The following NRG3 variants were observed in gnomAD, a reference collection of about 807,000 sequenced individuals.
NRG3 encodes the protein pro-neuregulin-3, membrane-bound isoform.
A neutral mutation model predicts 66.9 loss-of-function variants in NRG3; 31 were observed. That is an observed-to-expected ratio of 0.46 (90% CI 0.35 to 0.63). NRG3 has a LOEUF of 0.63. Among genes scored for constraint, NRG3 ranks in the 20% least tolerant of loss-of-function variants. NRG3 has a pLI of 0.00. For synonymous variants in NRG3, 393 were observed against 359.4 expected, an observed-to-expected ratio of 1.09 and a Z score of -1.06; for missense variants, 910 against 878.9, an observed-to-expected ratio of 1.04 and a Z score of -0.45.
chr10:82,563,005 A>G (rs1490498954), intron 2 of NRG3, among the ~76,000 whole-genome samples: 1 of 152,148 alleles, frequency 6.6e-6, no homozygotes, highest in Admixed American at 6.6e-5. Context: ...AGTGTGCAGA[A>G]AGAGAAAAAT....
intron 2 of NRG3, among the ~76,000 whole-genome samples, chr10:82,551,834 A>T (rs982639624): frequency 6.6e-6 from 1 of 152,066 alleles, no homozygotes; most frequent in African/African-American, 2.4e-5. Context: ...TTATATTTTT[A>T]TAATTCAAAT....
intron 3 of NRG3, among the ~76,000 whole-genome samples, chr10:82,841,707 T>C (rs1591689300): frequency 6.6e-6 from 1 of 152,194 alleles, no homozygotes; most frequent in Non-Finnish European, 1.5e-5. Context: ...AGTCAACCAA[T>C]TGTAGATGTT....
At chr10:82,575,723 T>C (rs1297940514) in intron 2 of NRG3, among the ~76,000 whole-genome samples, 3 of 151,772 alleles carry the variant, frequency 2.0e-5, no homozygotes, top group South Asian at 2.1e-4. Flanking sequence ...AGGGACAATA[T>C]AGATTAATTG....
chr10:82,797,807 A>G (rs1169805738), intron 3 of NRG3, among the ~76,000 whole-genome samples: 7 of 152,158 alleles, frequency 4.6e-5, no homozygotes, highest in Non-Finnish European at 8.8e-5. Flanking sequence ...ATGAATGTAA[A>G]CAAAACTGTG....
intron 2 of NRG3, among the ~76,000 whole-genome samples, chr10:82,445,581 C>T (rs1293568267): frequency 6.6e-6 from 1 of 152,090 alleles, no homozygotes; most frequent in Non-Finnish European, 1.5e-5. Context: ...GTGTAGTTAT[C>T]CAAGTACTTT....
chr10:82,559,914 T>G (rs1475851303), intron 2 of NRG3, among the ~76,000 whole-genome samples: 3 of 152,076 alleles, frequency 2.0e-5, no homozygotes, highest in Non-Finnish European at 4.4e-5. Context: ...ATTAAAACAC[T>G]TGTAAATAAA....
chr10:82,078,167 G>A (rs1039514202), intron 1 of NRG3, among the ~76,000 whole-genome samples: 2 of 152,114 alleles, frequency 1.3e-5, no homozygotes, highest in Non-Finnish European at 2.9e-5. Context: ...TGTTATGTAA[G>A]TGTGGTATGT....
chr10:82,719,481 A>G (rs2057169883), intron 2 of NRG3, among the ~76,000 whole-genome samples: 1 of 152,068 alleles, frequency 6.6e-6, no homozygotes, highest in African/African-American at 2.4e-5. Flanking sequence ...TCTGTTCCCT[A>G]TTTCAGAGCA....
At chr10:82,811,580 G>A (rs1193655704) in intron 3 of NRG3, among the ~76,000 whole-genome samples, 1 of 152,148 alleles carries the variant, frequency 6.6e-6, no homozygotes, top group Non-Finnish European at 1.5e-5. Flanking sequence ...AGGAACCATT[G>A]GGAATACACC....
At chr10:82,598,673 CCTTTG>C in intron 2 of NRG3, among the ~76,000 whole-genome samples, 1 of 152,154 alleles carries the variant, frequency 6.6e-6, no homozygotes, top group South Asian at 2.1e-4. Context: ...GGTAAGTGAC[CCTTTG>C]CTTTGTGAAA....
chr10:82,098,734 T>A (rs1590104220), intron 1 of NRG3, among the ~76,000 whole-genome samples: 1 of 152,262 alleles, frequency 6.6e-6, no homozygotes, highest in East Asian at 1.9e-4. Context: ...AATTTGTGGT[T>A]TGTCTTATTT....
At chr10:82,264,966 TCTG>T (rs2078220710) in intron 1 of NRG3, among the ~76,000 whole-genome samples, 2 of 152,242 alleles carry the variant, frequency 1.3e-5, no homozygotes, top group South Asian at 4.1e-4. Context: ...GATAGCATAT[TCTG>T]CTACAGATGA....
At chr10:81,972,755 G>T (rs1164394488) in intron 1 of NRG3, among the ~76,000 whole-genome samples, 1 of 151,796 alleles carries the variant, frequency 6.6e-6, no homozygotes, top group East Asian at 1.9e-4. Flanking sequence ...AGAAAAAAAT[G>T]AATCAATAAC....
chr10:82,808,880 A>G (rs915879805), intron 3 of NRG3, among the ~76,000 whole-genome samples: 3 of 152,174 alleles, frequency 2.0e-5, no homozygotes, highest in Non-Finnish European at 2.9e-5. Flanking sequence ...TTTTTACTAA[A>G]ATTGCATGAA....
At position 82,665,930 on chromosome 10, in the gene NRG3, C is replaced by T. The variant is rs775254138; in HGVS notation, c.954-72647C>T. On this transcript the variant is annotated intron_variant, in intron 2 of 8. Coordinates refer to ENST00000372141, the MANE Select transcript of NRG3 (RefSeq NM_001010848.4). ...CAGGATGAGTACAGTGGCGCGATCTCGGCTCACTGCAACCTACACCTCCCA... is the reference window on the plus strand; with the variant it reads ...CAGGATGAGTACAGTGGCGCGATCTTGGCTCACTGCAACCTACACCTCCCA... 3.3e-5 allele frequency among the ~76,000 whole-genome samples: 5 copies of T among 152,204 alleles called. No individual in the cohort carries two copies. In the East Asian group the frequency reaches 5.8e-4, roughly 18 times the overall value.
chr10:82,905,383 G>C (rs1274175625), intron 4 of NRG3, among the ~76,000 whole-genome samples: 1 of 152,074 alleles, frequency 6.6e-6, no homozygotes, highest in African/African-American at 2.4e-5. Context: ...TGTTGACAGT[G>C]ATTATTGAAA....
At chr10:82,668,752 G>A (rs1390056205) in intron 2 of NRG3, among the ~76,000 whole-genome samples, 2 of 152,148 alleles carry the variant, frequency 1.3e-5, no homozygotes, top group African/African-American at 4.8e-5. Flanking sequence ...TACCTTTCAT[G>A]TGCCAGATTA....
chr10:82,163,923 T>TG lies in NRG3; in HGVS notation c.824-194816_824-194815insG, dbSNP rs1491126161. ...ATAGGTTTTTGTTTCTCTCTTAAAA[T>TG]TTTTTTTTTTTTTTTGAGATGGAGT... On this transcript the variant is annotated intron_variant, in intron 1 of 8. Transcript: ENST00000372141. 3.4e-5 allele frequency among the ~76,000 whole-genome samples: 4 copies of TG among 117,592 alleles called. No individual in the cohort carries two copies. In the East Asian group the frequency reaches 8.0e-4, roughly 23 times the overall value. 77.1% of individuals were successfully genotyped at this position (117,592 alleles called of 152,430 possible). A position where few individuals can be genotyped will look rare whatever the true frequency, so the allele number is the denominator to read the frequency against.
At chr10:82,134,224 T>G (rs1213445999) in intron 1 of NRG3, among the ~76,000 whole-genome samples, 1 of 152,206 alleles carries the variant, frequency 6.6e-6, no homozygotes, top group Non-Finnish European at 1.5e-5. Context: ...TTGTTTACTC[T>G]GTTGAAAGTT....
Sources: allele counts gnomAD v4.1 joint callset (sites outside exome capture counted in the v4.1 genomes callset), GRCh38; gene constraint gnomAD v4.1.1; transcripts MANE v1.5; gene names NCBI Gene and HGNC (gene_info 2026-07-23, HGNC 2026-07-21).